The following CFAP20DC variants were observed in gnomAD, a reference collection of about 807,000 sequenced individuals.
CFAP20DC encodes the protein CFAP20 domain containing.
Under a neutral mutation model 101.7 loss-of-function variants are expected in CFAP20DC, and 84 were observed. That is an observed-to-expected ratio of 0.83 (90% CI 0.69 to 0.99). The LOEUF (loss-of-function observed/expected upper bound fraction) is 0.99. Among genes scored for constraint, CFAP20DC ranks in the 50% least tolerant of loss-of-function variants. CFAP20DC has a pLI of 0.00. For missense variants in CFAP20DC, 1,007 were observed against 970.3 expected (o/e 1.04, Z -0.50); for synonymous variants, 359 against 351.2 (o/e 1.02, Z -0.25).
At chr3:58,988,828 T>G (rs2108592939) in intron 4 of CFAP20DC, among the ~76,000 whole-genome samples, 1 of 152,278 alleles carries the variant, frequency 6.6e-6, no homozygotes, top group East Asian at 1.9e-4. Flanking sequence ...TTAGTCTGAT[T>G]TCTGATTATT....
intron 6 of CFAP20DC, among the ~76,000 whole-genome samples, chr3:58,903,630 C>A (rs770797528): frequency 2.6e-5 from 4 of 152,226 alleles, no homozygotes; most frequent in Non-Finnish European, 1.5e-5. Context: ...GAGAGAAGTG[C>A]TGAGCAAAGA....
intron 4 of CFAP20DC, among the ~76,000 whole-genome samples, chr3:58,972,497 T>G (rs150331633): frequency 1.3e-5 from 2 of 152,190 alleles, no homozygotes; most frequent in African/African-American, 4.8e-5. Flanking sequence ...TTGGTTATTA[T>G]GGATTGCATT....
chr3:58,963,190 T>TTGTGTGTGTGTGTGTGTGTG (rs56234919), intron 4 of CFAP20DC, among the ~76,000 whole-genome samples: 99 of 118,292 alleles, frequency 8.4e-4, no homozygotes, highest in East Asian at 1.7e-3. Flanking sequence ...GTTCAGTAGT[T>TTGTGTGTGTGTGTGTGTGTG]TGTGTGTGTG....
At chr3:58,855,442 A>G (rs1267089063) in intron 12 of CFAP20DC, among the ~76,000 whole-genome samples, 1 of 152,132 alleles carries the variant, frequency 6.6e-6, no homozygotes, top group African/African-American at 2.4e-5. Context: ...TTCCTCAGGG[A>G]TCTAGAACTA....
intron 16 of CFAP20DC, among the ~76,000 whole-genome samples, chr3:58,752,452 C>A (rs2068640710): frequency 6.6e-6 from 1 of 152,118 alleles, no homozygotes; most frequent in Non-Finnish European, 1.5e-5. Context: ...CTCCTGCTGT[C>A]AGAACCGGGC....
chr3:58,861,971 G>A lies in CFAP20DC; in HGVS notation c.1593+1587C>T. 1.0e-6 allele frequency: 1 copy of A among 984,942 alleles called. No individual in the cohort carries two copies. Among genetic ancestry groups the A allele is most frequent in the Non-Finnish European group, 1.2e-6 (1 of 829,474 alleles). The allele number at this position is 984,942 out of a possible 1,614,324, so 61.0% of individuals were successfully genotyped here. On this transcript the variant is annotated intron_variant, in intron 12 of 16. Coordinates refer to ENST00000482387, the MANE Select transcript of CFAP20DC (RefSeq NM_001394063.1). The surrounding 1 kb of genome is among the most constrained non-coding windows in gnomAD (Gnocchi z 4.0). ...GGCAGAGTAGCTACAGCAAAAGAAA[G>A]CATTAAGTGATATCAAATTAAAATA...
intron 7 of CFAP20DC, among the ~76,000 whole-genome samples, chr3:58,880,281 CTA>C: frequency 6.6e-6 from 1 of 152,114 alleles, no homozygotes; most frequent in East Asian, 1.9e-4. Context: ...ATGTAGGTAA[CTA>C]TCTTTTTTAT....
chr3:58,816,326 C>G (rs1214870954), intron 14 of CFAP20DC, among the ~76,000 whole-genome samples: 1 of 152,132 alleles, frequency 6.6e-6, no homozygotes, highest in African/African-American at 2.4e-5. Flanking sequence ...GTCTACAGCT[C>G]CCAGAGTGAG....
At chr3:58,763,286 T>C (rs1317733819) in intron 15 of CFAP20DC, among the ~76,000 whole-genome samples, 1 of 152,238 alleles carries the variant, frequency 6.6e-6, no homozygotes, top group Non-Finnish European at 1.5e-5. Flanking sequence ...ATTTCATTCA[T>C]TTGATCTTCC....
intron 5 of CFAP20DC, among the ~76,000 whole-genome samples, chr3:58,931,006 C>T (rs1395681162): frequency 2.6e-5 from 4 of 152,146 alleles, no homozygotes; most frequent in Non-Finnish European, 5.9e-5. Context: ...CAGGGAGTTC[C>T]CTTTCCTAGT....
Position 58,869,587 on chromosome 3 carries a change from G to A in CFAP20DC, c.853-97C>T, listed in dbSNP as rs888671354. The A allele has an allele frequency of 1.2e-5, 12 of 961,284 alleles. No homozygotes were observed. Among genetic ancestry groups the A allele is most frequent in the Non-Finnish European group, 1.6e-5 (11 of 686,894 alleles). 59.5% of individuals were successfully genotyped at this position (961,284 alleles called of 1,614,324 possible). The stretch of plus-strand genomic sequence containing the variant: ...AACATAATATTTGGACCAATGAAGA[G>A]TGAGAAAAAAACTAGAGGAAATGAG... On this transcript the variant is annotated intron_variant, in intron 8 of 16. Coordinates refer to ENST00000482387, the MANE Select transcript of CFAP20DC (RefSeq NM_001394063.1). This position sits in a 1 kb window ranked among gnomAD's most constrained non-coding sequence, Gnocchi z 4.3.
chr3:58,779,708 T>C (rs779668176), intron 15 of CFAP20DC, among the ~76,000 whole-genome samples: 1 of 152,160 alleles, frequency 6.6e-6, no homozygotes, highest in Admixed American at 6.5e-5. Flanking sequence ...TCATGACTTA[T>C]AGGACACCAT....
intron 15 of CFAP20DC, among the ~76,000 whole-genome samples, chr3:58,768,929 T>C (rs1256830258): frequency 6.6e-6 from 1 of 152,158 alleles, no homozygotes; most frequent in Admixed American, 6.5e-5. Context: ...CAGGAAACAC[T>C]TGGCATACTC....
chr3:58,733,097 C>T lies in CFAP20DC; in HGVS notation c.198-15469G>A, dbSNP rs536722809. Among the ~76,000 whole-genome samples, 14 of 152,126 alleles carry T rather than the reference C, an allele frequency of 9.2e-5. No individual in the cohort carries two copies. In the South Asian group the frequency reaches 2.5e-3, roughly 27 times the overall value. On this transcript the variant is annotated intron_variant, in intron 3 of 3. Coordinates refer to the CFAP20DC transcript ENST00000486145. Reference sequence around the variant, plus strand: ...CTGTAATTCCAACACTTTGGGAGGCCGAGGCAGGTGGATTGCCTGAGGTCA... The same window carrying T: ...CTGTAATTCCAACACTTTGGGAGGCTGAGGCAGGTGGATTGCCTGAGGTCA...
chr3:59,047,144 G>C (rs1034704625), intron 2 of CFAP20DC, 21 bp downstream of exon 2: 28 of 1,428,956 alleles, frequency 2.0e-5, no homozygotes, highest in Non-Finnish European at 2.7e-5. Flanking sequence ...GATTTATGTG[G>C]CTCTAATTTC....
At chr3:58,811,362 G>T (rs1243322762) in intron 14 of CFAP20DC, among the ~76,000 whole-genome samples, 1 of 152,016 alleles carries the variant, frequency 6.6e-6, no homozygotes, top group African/African-American at 2.4e-5. Flanking sequence ...CAGAGATATA[G>T]ATCAATGGAA....
At chr3:58,773,587 C>T (rs553069735) in intron 15 of CFAP20DC, among the ~76,000 whole-genome samples, 1 of 151,900 alleles carries the variant, frequency 6.6e-6, no homozygotes, top group East Asian at 1.9e-4. Context: ...AAAGTAAACG[C>T]CAATGATGAA....
chr3:58,947,943 G>A (rs1376256998), intron 4 of CFAP20DC, among the ~76,000 whole-genome samples: 1 of 152,206 alleles, frequency 6.6e-6, no homozygotes, highest in Non-Finnish European at 1.5e-5. Context: ...GGAGATGGGA[G>A]CACATAATCA....
chr3:58,969,515 A>G (rs1231995648), intron 4 of CFAP20DC, among the ~76,000 whole-genome samples: 1 of 152,214 alleles, frequency 6.6e-6, no homozygotes, highest in Non-Finnish European at 1.5e-5. Context: ...ACAAACTGGT[A>G]TATGAATTGT....
Sources: allele counts gnomAD v4.1 joint callset (sites outside exome capture counted in the v4.1 genomes callset), GRCh38; gene constraint gnomAD v4.1.1; non-coding constraint Gnocchi (gnomAD v3.1); transcripts MANE v1.5; gene names NCBI Gene and HGNC (gene_info 2026-07-23, HGNC 2026-07-21).